TMEM267: variants seen among roughly 807,000 people sequenced by gnomAD.
The protein encoded by TMEM267 is transmembrane protein 267.
In TMEM267, 20 loss-of-function variants were observed where a neutral mutation model predicts 19.3. That is an observed-to-expected ratio of 1.04 (90% CI 0.73 to 1.51). The LOEUF (loss-of-function observed/expected upper bound fraction) is 1.51. Among genes scored for constraint, TMEM267 ranks in the 40% most tolerant of loss-of-function variants. The pLI is 0.00. For missense variants in TMEM267, 242 were observed against 261.9 expected (o/e 0.92, Z 0.52); for synonymous variants, 88 against 90.3 (o/e 0.97, Z 0.15).
intron 1 of TMEM267, among the ~76,000 whole-genome samples, chr5:43,466,331 G>A (rs940365468): frequency 1.6e-4 from 25 of 152,176 alleles, no homozygotes; most frequent in African/African-American, 5.6e-4. Context: ...TTTCAGGCTA[G>A]GAGACAGTGG....
In TMEM267 at chr5:43,446,064, T is replaced by A. The variant is rs1742215525; in HGVS notation, c.*158A>T. ...GTAGAATAATAACAAGTATAATTTT[T>A]AAAAAAGTTGTATACACTTCCTGAG... On this transcript the variant is annotated 3_prime_UTR_variant, in exon 3 of 3. Coordinates refer to ENST00000397080, the MANE Select transcript of TMEM267 (RefSeq NM_022483.5). The A allele has an allele frequency of 2.1e-6, 1 of 487,262 alleles. No individual in the cohort carries two copies. Among genetic ancestry groups the A allele is most frequent in the Non-Finnish European group, 3.6e-6 (1 of 279,424 alleles). 30.2% of individuals were successfully genotyped at this position (487,262 alleles called of 1,614,324 possible). A position where few individuals can be genotyped will look rare whatever the true frequency, so the allele number is the denominator to read the frequency against.
intron 2 of TMEM267, among the ~76,000 whole-genome samples, chr5:43,452,907 A>G (rs1239855115): frequency 6.6e-6 from 1 of 152,242 alleles, no homozygotes; most frequent in Non-Finnish European, 1.5e-5. Flanking sequence ...ATGAAACAGA[A>G]AGTCCTTGCT....
chr5:43,470,302 CCAAA>C (rs1162056446), intron 1 of TMEM267, among the ~76,000 whole-genome samples: 1 of 152,212 alleles, frequency 6.6e-6, no homozygotes, highest in Non-Finnish European at 1.5e-5. Flanking sequence ...ACCACCATAC[CCAAA>C]CAATTTTTGT....
intron 2 of TMEM267, among the ~76,000 whole-genome samples, chr5:43,450,834 G>C (rs1251825428): frequency 6.6e-6 from 1 of 151,442 alleles, no homozygotes; most frequent in Non-Finnish European, 1.5e-5. Flanking sequence ...TTTTTGTTTT[G>C]TTTTGTTTTG....
intron 1 of TMEM267, among the ~76,000 whole-genome samples, chr5:43,480,853 A>T (rs1400523463): frequency 1.7e-5 from 2 of 116,322 alleles, no homozygotes. Flanking sequence ...ACCAGGCTGG[A>T]GTGCAGTGGC....
At position 43,446,579 on chromosome 5, in the gene TMEM267, G is replaced by A. The variant is rs199788584; in HGVS notation, c.313-22C>T. 1.6e-5 allele frequency: 24 copies of A among 1,485,976 alleles called. No homozygotes were observed. In the East Asian group the frequency reaches 2.7e-4, roughly 17 times the overall value. 92.0% of individuals were successfully genotyped at this position (1,485,976 alleles called of 1,614,324 possible). A position where few individuals can be genotyped will look rare whatever the true frequency, so the allele number is the denominator to read the frequency against. On this transcript the variant is annotated intron_variant, in intron 2 of 2. Coordinates refer to ENST00000397080, the MANE Select transcript of TMEM267 (RefSeq NM_022483.5). Reference sequence around the variant, plus strand: ...CAGCCTGAGGGAGCAAAGTAATAGCGAGTATCATTTCCTTTCTAGCAAAAC... The same window carrying A: ...CAGCCTGAGGGAGCAAAGTAATAGCAAGTATCATTTCCTTTCTAGCAAAAC...
chr5:43,480,785 TTAA>T (rs1270956161), intron 1 of TMEM267, among the ~76,000 whole-genome samples: 1 of 148,416 alleles, frequency 6.7e-6, no homozygotes, highest in Admixed American at 6.7e-5. Flanking sequence ...TATTTAAATG[TTAA>T]TAATCTTACT....
At chr5:43,459,861 G>T (rs1743156643) in intron 1 of TMEM267, among the ~76,000 whole-genome samples, 1 of 152,106 alleles carries the variant, frequency 6.6e-6, no homozygotes, top group Non-Finnish European at 1.5e-5. Context: ...ACTGTGGAGG[G>T]GGATGGTTTT....
chr5:43,448,359 C>A (rs1275345044), intron 2 of TMEM267, among the ~76,000 whole-genome samples: 1 of 152,060 alleles, frequency 6.6e-6, no homozygotes, highest in Non-Finnish European at 1.5e-5. Flanking sequence ...ATCATTGGTC[C>A]TTTTGCTAAC....
chr5:43,460,705 G>A (rs1743208381), intron 1 of TMEM267, among the ~76,000 whole-genome samples: 3 of 152,194 alleles, frequency 2.0e-5, no homozygotes, highest in African/African-American at 7.2e-5. Context: ...ACTCAGTGCT[G>A]TCCTGTTAGA....
intron 2 of TMEM267, among the ~76,000 whole-genome samples, chr5:43,448,806 A>C (rs144750819): frequency 2.5e-3 from 377 of 151,516 alleles, no homozygotes; most frequent in African/African-American, 8.8e-3. Flanking sequence ...AAAAAAAACT[A>C]TCTCTTGAAC....
At chr5:43,473,397 C>T (rs1561196827) in intron 1 of TMEM267, among the ~76,000 whole-genome samples, 2 of 152,168 alleles carry the variant, frequency 1.3e-5, no homozygotes, top group African/African-American at 2.4e-5. Context: ...TGATAAGCAA[C>T]TTCAGCAAAG....
chr5:43,478,374 T>C (rs1034471153), intron 1 of TMEM267, among the ~76,000 whole-genome samples: 3 of 152,202 alleles, frequency 2.0e-5, no homozygotes, highest in Non-Finnish European at 4.4e-5. Flanking sequence ...CATGGTTAGA[T>C]AGCTTTTGTG....
chr5:43,475,984 T>C (rs949021114), intron 1 of TMEM267: 6 of 152,218 alleles, frequency 3.9e-5, no homozygotes, highest in Non-Finnish European at 7.3e-5. Flanking sequence ...CTTATATAGT[T>C]CTGGGTACTG....
At chr5:43,447,003 TAAAC>T (rs1225876011) in intron 2 of TMEM267, among the ~76,000 whole-genome samples, 3 of 152,104 alleles carry the variant, frequency 2.0e-5, no homozygotes, top group African/African-American at 7.2e-5. Context: ...ATATTAGCTA[TAAAC>T]ACTTTTGGAA....
intron 2 of TMEM267, among the ~76,000 whole-genome samples, chr5:43,452,406 C>T (rs1742657893): frequency 1.3e-5 from 2 of 152,012 alleles, no homozygotes; most frequent in South Asian, 2.1e-4. Flanking sequence ...AATGGGTACA[C>T]ATGGACATAC....
intron 1 of TMEM267, among the ~76,000 whole-genome samples, chr5:43,477,586 G>A (rs1348042775): frequency 5.7e-5 from 6 of 104,628 alleles, no homozygotes; most frequent in African/African-American, 8.8e-5. Context: ...GTGAGACTCC[G>A]TCTCAAAAAA....
chr5:43,462,929 A>T (rs983271180), intron 1 of TMEM267, among the ~76,000 whole-genome samples: 2 of 152,218 alleles, frequency 1.3e-5, no homozygotes, highest in Non-Finnish European at 2.9e-5. Context: ...GGCAAGAAAT[A>T]ACTAAAATCA....
At chr5:43,461,808 C>G (rs1018754470) in intron 1 of TMEM267, among the ~76,000 whole-genome samples, 2 of 152,170 alleles carry the variant, frequency 1.3e-5, no homozygotes, top group African/African-American at 4.8e-5. Flanking sequence ...GTTTTTGACT[C>G]TAGTCCCTGA....
Sources: gnomAD v4.1 joint callset for allele counts (sites outside exome capture counted in the v4.1 genomes callset) on GRCh38, gnomAD v4.1.1 for gene constraint, MANE v1.5 for transcripts, NCBI Gene and HGNC (gene_info 2026-07-23, HGNC 2026-07-21) for gene names.